KCNC2: variants seen among roughly 807,000 people sequenced by gnomAD.
The protein encoded by KCNC2 is voltage-gated potassium channel KCNC2.
In KCNC2, 21 loss-of-function variants were observed where a neutral mutation model predicts 44.5. The observed-to-expected ratio is 0.47, with a 90% CI of 0.33 to 0.68. KCNC2 has a LOEUF of 0.68. Ranked by LOEUF, KCNC2 falls within the 30% of genes least tolerant of loss-of-function variation. The pLI, the probability that KCNC2 is intolerant of heterozygous loss-of-function variation, is 0.01. For synonymous variants in KCNC2, 391 were observed against 339.1 expected (o/e 1.15, Z -1.68); for missense variants, 589 against 826.2 (o/e 0.71, Z 3.52).
At chr12:75,140,647 A>C (rs897691832) in intron 2 of KCNC2, among the ~76,000 whole-genome samples, 14 of 152,270 alleles carry the variant, frequency 9.2e-5, no homozygotes, top group Admixed American at 3.9e-4. Flanking sequence ...CTCATGAATA[A>C]ATGGAAAAAC....
chr12:75,091,648 T>TA (rs1565846853), intron 2 of KCNC2, among the ~76,000 whole-genome samples: 2 of 151,640 alleles, frequency 1.3e-5, no homozygotes, highest in African/African-American at 4.8e-5. Context: ...GTTTATTTTT[T>TA]AAAAAATCAG....
chr12:75,194,871 G>T (rs1330949087), intron 2 of KCNC2, among the ~76,000 whole-genome samples: 2 of 152,146 alleles, frequency 1.3e-5, no homozygotes, highest in East Asian at 3.9e-4. Flanking sequence ...GTATATATGT[G>T]TCTTGGAAGG....
intron 2 of KCNC2, among the ~76,000 whole-genome samples, chr12:75,200,271 T>C (rs1302440289): frequency 6.6e-6 from 1 of 151,790 alleles, no homozygotes; most frequent in African/African-American, 2.4e-5. Context: ...ATCTAAATAC[T>C]AGCCCTGCCA....
At chr12:75,084,595 T>G (rs1217030014) in intron 2 of KCNC2, among the ~76,000 whole-genome samples, 1 of 152,020 alleles carries the variant, frequency 6.6e-6, no homozygotes, top group Non-Finnish European at 1.5e-5. Flanking sequence ...CCTCCTGCCA[T>G]GATTCTGAGG....
intron 2 of KCNC2, among the ~76,000 whole-genome samples, chr12:75,079,251 C>A (rs532435912): frequency 6.6e-6 from 1 of 151,942 alleles, no homozygotes; most frequent in South Asian, 2.1e-4. Context: ...AAAGAGGAAC[C>A]TTTGATCTTT....
In KCNC2 at chr12:75,106,421, G is replaced by T. The variant is rs1886787748; in HGVS notation, c.688-55104C>A. Among the ~76,000 whole-genome samples the T allele has an allele frequency of 1.3e-5, 2 of 152,142 alleles. 1 individual carries two copies. Among genetic ancestry groups the T allele is most frequent in the South Asian group, 4.1e-4 (2 of 4,826 alleles). The stretch of plus-strand genomic sequence containing the variant: ...TATGCTGTTAAGAGTTATTCCGGTG[G>T]TAAGCTAAAAAGAAATGATCCCCAA... On this transcript the variant is annotated intron_variant, in intron 2 of 4. Transcript: ENST00000549446.
chr12:75,097,788 G>A (rs1886060610), intron 2 of KCNC2, among the ~76,000 whole-genome samples: 1 of 151,554 alleles, frequency 6.6e-6, no homozygotes, highest in African/African-American at 2.4e-5. Flanking sequence ...TTTGACTTTG[G>A]GAAAAAAAAT....
intron 2 of KCNC2, among the ~76,000 whole-genome samples, chr12:75,166,788 T>G (rs1891486018): frequency 6.6e-6 from 1 of 151,026 alleles, no homozygotes; most frequent in African/African-American, 2.4e-5. Context: ...ACACTAAAAC[T>G]TCTTAGATAA....
intron 2 of KCNC2, among the ~76,000 whole-genome samples, chr12:75,181,717 T>C (rs949275190): frequency 2.0e-5 from 3 of 152,112 alleles, no homozygotes; most frequent in African/African-American, 7.2e-5. Context: ...TATGTGAACA[T>C]GTGTATTTAA....
intron 2 of KCNC2, among the ~76,000 whole-genome samples, chr12:75,137,354 T>G (rs979404260): frequency 1.3e-5 from 2 of 152,192 alleles, no homozygotes; most frequent in Admixed American, 6.5e-5. Flanking sequence ...ATTTTACAAC[T>G]GCATCTGTGT....
chr12:75,075,264 T>C (rs1883817611), intron 2 of KCNC2, among the ~76,000 whole-genome samples: 2 of 151,936 alleles, frequency 1.3e-5, no homozygotes, highest in African/African-American at 4.8e-5. Context: ...CCATTTATCA[T>C]AACTCAGATC....
intron 2 of KCNC2, among the ~76,000 whole-genome samples, chr12:75,108,798 A>AT (rs1329884001): frequency 2.0e-5 from 3 of 152,250 alleles, no homozygotes; most frequent in Admixed American, 6.5e-5. Context: ...ATATTTAAGC[A>AT]TTTTTTCCCT....
intron 2 of KCNC2, among the ~76,000 whole-genome samples, chr12:75,126,863 A>G (rs914468830): frequency 4.6e-5 from 7 of 152,082 alleles, no homozygotes; most frequent in African/African-American, 1.7e-4. Context: ...AGGACTTCCT[A>G]GGGTTCTTAA....
intron 2 of KCNC2, among the ~76,000 whole-genome samples, chr12:75,102,554 A>G (rs1282599286): frequency 1.3e-5 from 2 of 152,108 alleles, no homozygotes; most frequent in Admixed American, 6.6e-5. Context: ...GTATTTTTTA[A>G]GAACTCCTTT....
At chr12:75,118,918 T>C (rs547255062) in intron 2 of KCNC2, among the ~76,000 whole-genome samples, 42 of 152,214 alleles carry the variant, frequency 2.8e-4, no homozygotes, top group Non-Finnish European at 5.0e-4. Flanking sequence ...TCACGGTTTA[T>C]AGGCAGAGGA....
At chr12:75,066,938 C>T (rs935933494) in intron 2 of KCNC2, among the ~76,000 whole-genome samples, 2 of 152,128 alleles carry the variant, frequency 1.3e-5, no homozygotes, top group African/African-American at 4.8e-5. Context: ...CATGGTGGCT[C>T]ACGTCTGTAG....
intron 2 of KCNC2, among the ~76,000 whole-genome samples, chr12:75,155,146 C>A (rs896258936): frequency 6.6e-6 from 1 of 151,808 alleles, no homozygotes; most frequent in East Asian, 1.9e-4. Context: ...CCCCTCTTTA[C>A]CATGCCTGCA....
intron 2 of KCNC2, among the ~76,000 whole-genome samples, chr12:75,187,751 G>A (rs1175913515): frequency 2.0e-5 from 3 of 152,000 alleles, no homozygotes; most frequent in Non-Finnish European, 4.4e-5. Context: ...ATAATAACCC[G>A]ACGACTATAA....
intron 2 of KCNC2, among the ~76,000 whole-genome samples, chr12:75,147,132 T>C (rs1466080205): frequency 6.6e-6 from 1 of 152,180 alleles, no homozygotes; most frequent in Non-Finnish European, 1.5e-5. Context: ...TGAAACATTT[T>C]CATTTTATTG....
Sources: allele counts gnomAD v4.1 joint callset (sites outside exome capture counted in the v4.1 genomes callset), GRCh38; gene constraint gnomAD v4.1.1; transcripts MANE v1.5; gene names NCBI Gene and HGNC (gene_info 2026-07-23, HGNC 2026-07-21).